MTPAP: variants seen among roughly 807,000 people sequenced by gnomAD.
The protein encoded by MTPAP is mitochondrial poly(A) polymerase.
A neutral mutation model predicts 48.7 loss-of-function variants in MTPAP; 23 were observed. The observed-to-expected ratio is 0.47, with a 90% CI of 0.34 to 0.67. MTPAP has a LOEUF of 0.67. MTPAP is among the 30% of genes least tolerant of loss of function. The probability of loss-of-function intolerance (pLI) is 0.01; values close to 1 mark genes in which losing one functional copy is unlikely to be tolerated. For missense variants in MTPAP, 614 were observed against 694.3 expected, an observed-to-expected ratio of 0.88 and a Z score of 1.30; for synonymous variants, 257 against 254.1, an observed-to-expected ratio of 1.01 and a Z score of -0.11.
At chr10:30,333,158 A>C (rs1234022898) in intron 4 of MTPAP, among the ~76,000 whole-genome samples, 1 of 152,014 alleles carries the variant, frequency 6.6e-6, no homozygotes, top group Non-Finnish European at 1.5e-5. Context: ...ATAAATTTAA[A>C]AAAAAGAAGA....
At chr10:30,320,546 T>C in intron 6 of MTPAP, among the ~76,000 whole-genome samples, 1 of 151,868 alleles carries the variant, frequency 6.6e-6, no homozygotes, top group East Asian at 1.9e-4. Context: ...ATAAATAAAA[T>C]TTTTAAAAAA....
Position 30,319,608 on chromosome 10 carries a change from G to T in MTPAP, c.1219+2783C>A, listed in dbSNP as rs142856015. Among the ~76,000 whole-genome samples the T allele has an allele frequency of 2.5e-4, 38 of 152,022 alleles. 1 individual carries two copies. In the East Asian group the frequency reaches 5.6e-3, roughly 22 times the overall value. ...GAAAGTATAAAAACCATGGATTTTG[G>T]AGGGAAAAAAAAGGAAAAGGAAAAT... On this transcript the variant is annotated intron_variant, in intron 6 of 8. Transcript: ENST00000263063.
rs367950561 is a variant in MTPAP at position 30,326,415 on chromosome 10, C to A, written c.992+9G>T. The A allele has an allele frequency of 1.9e-6, 3 of 1,606,220 alleles. No homozygotes were observed. In the South Asian group the frequency reaches 3.3e-5, roughly 18 times the overall value. ...TCATATTTAAAATAATAAATGTAAGCGGTCATACCTATTGTTCGTAGTCAA... is the reference window on the plus strand; with the variant it reads ...TCATATTTAAAATAATAAATGTAAGAGGTCATACCTATTGTTCGTAGTCAA... On this transcript the variant is annotated intron_variant, in intron 5 of 8. Transcript: ENST00000263063.
chr10:30,326,856 C>A (rs887569575), intron 4 of MTPAP, among the ~76,000 whole-genome samples: 1 of 152,162 alleles, frequency 6.6e-6, no homozygotes, highest in African/African-American at 2.4e-5. Context: ...AAATACAAAG[C>A]ACTAACTTGA....
At position 30,310,372 on chromosome 10, in the gene MTPAP, G is replaced by A. The variant is rs1357931536; in HGVS notation, c.*3237C>T. The stretch of plus-strand genomic sequence containing the variant: ...AGGGCGAGGTGGGCAGGTCACCTGA[G>A]GTCAGGAGTTCGAGACCAGCCTGGC... On this transcript the variant is annotated 3_prime_UTR_variant, in exon 9 of 9. Coordinates refer to ENST00000263063, the MANE Select transcript of MTPAP (RefSeq NM_018109.4). 1 of 152,008 alleles carries A rather than the reference G, an allele frequency of 6.6e-6. No individual in the cohort carries two copies. Among genetic ancestry groups the A allele is most frequent in the African/African-American group, 2.4e-5 (1 of 41,318 alleles). 9.4% of individuals were successfully genotyped at this position (152,008 alleles called of 1,614,324 possible). A position where few individuals can be genotyped will look rare whatever the true frequency, so the allele number is the denominator to read the frequency against.
At chr10:30,317,213 T>C (rs1840673743) in intron 6 of MTPAP, among the ~76,000 whole-genome samples, 1 of 152,210 alleles carries the variant, frequency 6.6e-6, no homozygotes, top group South Asian at 2.1e-4. Flanking sequence ...ATTTTTGAGG[T>C]AATCAGTTTT....
chr10:30,332,965 C>A (rs1834687383), intron 4 of MTPAP, among the ~76,000 whole-genome samples: 1 of 151,332 alleles, frequency 6.6e-6, no homozygotes, highest in Non-Finnish European at 1.5e-5. Context: ...ACTAAAAATA[C>A]AAAAAATTAG....
At chr10:30,321,405 A>G (rs1840723448) in intron 6 of MTPAP, among the ~76,000 whole-genome samples, 2 of 152,176 alleles carry the variant, frequency 1.3e-5, no homozygotes, top group African/African-American at 4.8e-5. Flanking sequence ...ATCAACACTT[A>G]CAGTGTTAAC....
At chr10:30,332,538 C>T (rs1156459188) in intron 4 of MTPAP, among the ~76,000 whole-genome samples, 1 of 152,178 alleles carries the variant, frequency 6.6e-6, no homozygotes, top group Admixed American at 6.5e-5. Context: ...AAGTGATCCA[C>T]CCGACTTGGC....
At chr10:30,340,537 T>C in intron 2 of MTPAP, 87 bp from the exon 3 acceptor site, 1 of 954,918 alleles carries the variant, frequency 1.0e-6, no homozygotes, top group Non-Finnish European at 1.7e-6. Context: ...ACAATTATCA[T>C]AATGCTACAA....
intron 6 of MTPAP, among the ~76,000 whole-genome samples, chr10:30,318,634 G>A (rs1840687802): frequency 6.6e-6 from 1 of 152,142 alleles, no homozygotes; most frequent in Admixed American, 6.6e-5. Context: ...GAACACAGTG[G>A]AGATTATAAG....
chr10:30,338,374 C>T (rs1320398384), intron 3 of MTPAP, among the ~76,000 whole-genome samples: 1 of 151,890 alleles, frequency 6.6e-6, no homozygotes, highest in East Asian at 1.9e-4. Flanking sequence ...AAGCATTCAA[C>T]TCAAAAATAA....
chr10:30,345,960 A>C (rs1834869256), intron 1 of MTPAP, among the ~76,000 whole-genome samples: 1 of 151,846 alleles, frequency 6.6e-6, no homozygotes, highest in African/African-American at 2.4e-5. Context: ...AGGCAGGAGA[A>C]TCGCTAGAAG....
chr10:30,328,581 C>T (rs1834626706), intron 4 of MTPAP, among the ~76,000 whole-genome samples: 2 of 152,192 alleles, frequency 1.3e-5, no homozygotes, highest in Admixed American at 6.5e-5. Context: ...TTCTAGAATT[C>T]ATTCCTCCTA....
At chr10:30,347,897 GAAA>G (rs34708356) in intron 1 of MTPAP, among the ~76,000 whole-genome samples, 3 of 150,446 alleles carry the variant, frequency 2.0e-5, no homozygotes, top group South Asian at 2.1e-4. Context: ...TCCCGAAAAA[GAAA>G]AAAAAAAAAC....
At chr10:30,346,404 T>C (rs1382952764) in intron 1 of MTPAP, among the ~76,000 whole-genome samples, 2 of 151,958 alleles carry the variant, frequency 1.3e-5, no homozygotes, top group Non-Finnish European at 2.9e-5. Flanking sequence ...AACTCTAATA[T>C]ACAATTACTA....
intron 4 of MTPAP, among the ~76,000 whole-genome samples, chr10:30,327,531 T>C (rs536585999): frequency 6.0e-4 from 89 of 148,046 alleles, no homozygotes; most frequent in African/African-American, 2.1e-3. Context: ...AATAAATAAA[T>C]AAATAAATAA....
intron 3 of MTPAP, 161 bp downstream of exon 3, chr10:30,340,065 T>C (rs1223549078): frequency 5.9e-6 from 4 of 672,816 alleles, no homozygotes; most frequent in Non-Finnish European, 1.0e-5. Flanking sequence ...CATCTCATTA[T>C]GCATCCACCA....
chr10:30,331,455 T>G (rs1344754174), intron 4 of MTPAP, among the ~76,000 whole-genome samples: 9 of 152,228 alleles, frequency 5.9e-5, no homozygotes, highest in Non-Finnish European at 1.2e-4. Flanking sequence ...AGATTTTAGT[T>G]TAGGATTTTG....
Sources: gnomAD v4.1 joint callset for allele counts (sites outside exome capture counted in the v4.1 genomes callset) on GRCh38, gnomAD v4.1.1 for gene constraint, MANE v1.5 for transcripts, NCBI Gene and HGNC (gene_info 2026-07-23, HGNC 2026-07-21) for gene names.